Variants in PUS3 observed in about 807,000 individuals in gnomAD.
The protein encoded by PUS3 is pseudouridine synthase 3, also known as tRNA pseudouridine(38/39) synthase.
In PUS3, 36 loss-of-function variants were observed where a neutral mutation model predicts 43.3. The observed-to-expected ratio is 0.83, with a 90% confidence interval of 0.64 to 1.10. PUS3 has a LOEUF of 1.10. Among genes scored for constraint, PUS3 ranks in the 50% least tolerant of loss-of-function variants. PUS3 has a pLI of 0.00. For missense variants in PUS3, 544 were observed against 589.9 expected (o/e 0.92, Z 0.81); for synonymous variants, 183 against 199.2 (o/e 0.92, Z 0.69).
intron 1 of PUS3, among the ~76,000 whole-genome samples, chr11:125,901,694 G>A (rs547884501): frequency 7.2e-5 from 11 of 152,292 alleles, no homozygotes; most frequent in African/African-American, 2.4e-4. Context: ...CAATGACTCA[G>A]GTACATGTAG....
intron 1 of PUS3, among the ~76,000 whole-genome samples, chr11:125,902,383 G>GA (rs1322893089): frequency 6.6e-6 from 1 of 151,270 alleles, no homozygotes; most frequent in Non-Finnish European, 1.5e-5. Context: ...TGGCGGGGGG[G>GA]AGGGGGGGTC....
In PUS3 at chr11:125,895,717, C is replaced by T. The variant is rs759530579; in HGVS notation, c.451G>A (p.Ala151Thr). 13 of 1,613,518 alleles carry T rather than the reference C, an allele frequency of 8.1e-6. No homozygotes were observed. The highest frequency in any genetic ancestry group is 7.6e-6 in the Non-Finnish European group (9 of 1,179,954). ...DSEDFNVKEE[A>T]NAAAEEIRYT... ...CGGATCTCTTCAGCAGCAGCATTAG[C>T]CTCCTCTTTTACATTAAAGTCCTCG... Residue 151 changes from alanine to threonine, a missense_variant, in exon 3 of 4, where the codon GCT becomes ACT. Physicochemically the swap from Ala to Thr is moderately conservative, Grantham distance 58 (BLOSUM62 0). Transcript: ENST00000227474.
At chr11:125,901,809 G>T (rs1027022820) in intron 1 of PUS3, among the ~76,000 whole-genome samples, 1 of 152,136 alleles carries the variant, frequency 6.6e-6, no homozygotes, top group Non-Finnish European at 1.5e-5. Context: ...TGGGAATCTT[G>T]GGAAAGTAAT....
In PUS3 at chr11:125,895,401, C is replaced by T; in HGVS notation, c.767G>A (p.Gly256Glu). Residue 256 changes from glycine (G) to glutamate (E), a missense_variant, in exon 3 of 4, where the codon GGG (glycine) becomes GAG (glutamate). Transcript: ENST00000227474. The stretch of plus-strand genomic sequence containing the variant: ...TAACTGGAAAGGTTCTTGCCATCTC[C>T]CCTCACCTGGGCTCTGGCCCACTAG... ...VQLVGQSPGE[G>E]RWQEPFQLCQ... 6.2e-7 allele frequency: 1 copy of T among 1,614,110 alleles called. No individual in the cohort carries two copies. Among genetic ancestry groups the T allele is most frequent in the Middle Eastern group, 1.6e-4 (1 of 6,062 alleles).
chr11:125,894,435 T>C, intron 3 of PUS3, 149 bp from the exon 4 acceptor site: 1 of 625,044 alleles, frequency 1.6e-6, no homozygotes, highest in Non-Finnish European at 2.8e-6. Flanking sequence ...TATCTCACCA[T>C]CCCTAACCTT....
intron 1 of PUS3, among the ~76,000 whole-genome samples, chr11:125,901,008 CAAAAAAA>C (rs10533810): frequency 4.0e-5 from 5 of 125,650 alleles, no homozygotes; most frequent in Non-Finnish European, 3.4e-5. Flanking sequence ...GACTCCGTCT[CAAAAAAA>C]AAAAAAAAAA....
At chr11:125,901,766 G>T (rs1944779039) in intron 1 of PUS3, among the ~76,000 whole-genome samples, 1 of 152,190 alleles carries the variant, frequency 6.6e-6, no homozygotes, top group Non-Finnish European at 1.5e-5. Context: ...AATAGTAAAT[G>T]TCTTTAAAGA....
intron 1 of PUS3, among the ~76,000 whole-genome samples, chr11:125,901,406 T>C (rs1261176381): frequency 6.6e-6 from 1 of 152,164 alleles, no homozygotes; most frequent in Non-Finnish European, 1.5e-5. Flanking sequence ...CAGATCAAAA[T>C]AGGAATTCTG....
At chr11:125,897,619 A>T (rs891286036) in intron 1 of PUS3, among the ~76,000 whole-genome samples, 1 of 152,126 alleles carries the variant, frequency 6.6e-6, no homozygotes, top group Admixed American at 6.5e-5. Context: ...TTTAAAAAAA[A>T]TTTTAAATGC....
intron 3 of PUS3, among the ~76,000 whole-genome samples, chr11:125,894,893 C>T (rs1317089745): frequency 6.6e-6 from 1 of 152,188 alleles, no homozygotes; most frequent in East Asian, 1.9e-4. Context: ...AAACACCTGC[C>T]TCTTTACTCA....
At chr11:125,901,025 A>G (rs1329221826) in intron 1 of PUS3, among the ~76,000 whole-genome samples, 4 of 150,022 alleles carry the variant, frequency 2.7e-5, no homozygotes, top group African/African-American at 9.7e-5. Context: ...AAAAAAAAAA[A>G]AAGAAGGAAC....
chr11:125,898,272 G>T (rs2134253125), intron 1 of PUS3, among the ~76,000 whole-genome samples: 1 of 152,312 alleles, frequency 6.6e-6, no homozygotes, highest in African/African-American at 2.4e-5. Context: ...GTGGACAGTA[G>T]ATACCTATCT....
At chr11:125,898,654 G>A (rs1004868833) in intron 1 of PUS3, among the ~76,000 whole-genome samples, 52 of 151,982 alleles carry the variant, frequency 3.4e-4, no homozygotes, top group African/African-American at 1.3e-3. Flanking sequence ...TCCAGCCTAG[G>A]TGACAGCAAG....
chr11:125,902,705 T>G (rs1408248057), intron 1 of PUS3, among the ~76,000 whole-genome samples: 1 of 145,504 alleles, frequency 6.9e-6, no homozygotes, highest in African/African-American at 2.6e-5. Flanking sequence ...GAAGAGGGAG[T>G]ACTGTCCAAA....
At chr11:125,900,315 T>C (rs1466598774) in intron 1 of PUS3, 1 of 1,555,802 alleles carries the variant, frequency 6.4e-7, no homozygotes, top group East Asian at 2.2e-5. Flanking sequence ...AACCTAGCTC[T>C]TTATATCTTC....
Position 125,895,229 on chromosome 11 carries a change from T to A in PUS3, c.939A>T (p.Gln313His). ...ATTTTTTATTTTTAACTCACCTATA[T>A]TGAGGCTTTTGGGGATTTTTCTCTA... ...LNIEKNPQKP[Q>H]YSMAVEFPLV... Residue 313 changes from glutamine to histidine, a missense_variant, in exon 3 of 4, where the codon CAA becomes CAT. Transcript: ENST00000227474. 1.3e-6 allele frequency: 2 copies of A among 1,582,838 alleles called. No individual in the cohort carries two copies. Among genetic ancestry groups the A allele is most frequent in the Non-Finnish European group, 1.7e-6 (2 of 1,167,810 alleles).
rs747282085 is a variant in PUS3, at chr11:125,895,760, A to G, written c.408T>C (p.Phe136=). The change falls in exon 3 of 4, where the codon TTT becomes TTC. Residue 136 remains phenylalanine, a synonymous_variant. Transcript: ENST00000227474. ...QVISLDLRSQ[F]PRGRDSEDFN... The stretch of plus-strand genomic sequence containing the variant: ...AGTCCTCGGAATCCCTGCCCCTTGG[A>G]AACTGAGAGCGAAGGTCAAGTGAGA... 1.0e-5 allele frequency: 16 copies of G among 1,606,230 alleles called. No homozygotes were observed. Among genetic ancestry groups the G allele is most frequent in the Non-Finnish European group, 1.4e-5 (16 of 1,177,978 alleles).
In PUS3 at chr11:125,893,588, G is replaced by A; in HGVS notation, c.*197C>T. On this transcript the variant is annotated 3_prime_UTR_variant, in exon 4 of 4. Transcript: ENST00000227474. ...CGTTCTTTAATCGCTTAATCCTTTT[G>A]GACCGGGATAAGAGAATATTTGAAA... The A allele has an allele frequency of 4.2e-6, 2 of 479,058 alleles. No individual in the cohort carries two copies. Among genetic ancestry groups the A allele is most frequent in the Middle Eastern group, 5.6e-4 (1 of 1,792 alleles). 29.7% of individuals were successfully genotyped at this position (479,058 alleles called of 1,614,324 possible).
rs1329658880 is a variant in PUS3 at position 125,893,797 on chromosome 11, T to C, written c.1434A>G (p.Lys478=). The C allele has an allele frequency of 6.2e-7, 1 of 1,609,494 alleles. No individual in the cohort carries two copies. Among genetic ancestry groups the C allele is most frequent in the Non-Finnish European group, 8.5e-7 (1 of 1,176,968 alleles). Residue 478 remains lysine (K), a synonymous_variant, in exon 4 of 4, where the codon AAA becomes AAG. Coordinates refer to ENST00000227474, the MANE Select transcript of PUS3 (RefSeq NM_031307.4). ...AAATTGTCTATGGTTAAATGATGCT[T>C]TTAATTTCTGTGTCAACACAGACCC... is the stretch of plus-strand genomic sequence containing the variant. ...TKRVCVDTEI[K]SII
Sources: gnomAD v4.1 joint callset for allele counts (sites outside exome capture counted in the v4.1 genomes callset) on GRCh38, gnomAD v4.1.1 for gene constraint, MANE v1.5 for transcripts, NCBI Gene and HGNC (gene_info 2026-07-23, HGNC 2026-07-21) for gene names.